Variants in MYT1L observed in about 807,000 individuals in gnomAD.
MYT1L encodes myelin transcription factor 1 like.
MYT1L carries 12 observed loss-of-function variants against 126.7 expected under a neutral mutation model. That is an observed-to-expected ratio of 0.09 (90% CI 0.06 to 0.15). MYT1L has a LOEUF of 0.15. Ranked by LOEUF, MYT1L falls within the 10% of genes least tolerant of loss-of-function variation. The pLI, the probability that MYT1L is intolerant of heterozygous loss-of-function variation, is 1.00. For synonymous variants in MYT1L, 541 were observed against 604.2 expected, an observed-to-expected ratio of 0.90 and a Z score of 1.53; for missense variants, 979 against 1,585.2, an observed-to-expected ratio of 0.62 and a Z score of 6.49.
intron 18 of MYT1L, among the ~76,000 whole-genome samples, chr2:1,866,719 CAGAGAGGGAGGG>C (rs1423303592): frequency 4.6e-4 from 12 of 25,930 alleles, no homozygotes; most frequent in Non-Finnish European, 7.3e-5. Flanking sequence ...GAGAGAGAGG[CAGAGAGGGAGGG>C]AGAGAGAGAG....
intron 3 of MYT1L, among the ~76,000 whole-genome samples, chr2:2,066,470 G>A (rs535302586): frequency 6.6e-6 from 1 of 152,270 alleles, no homozygotes; most frequent in South Asian, 2.1e-4. Context: ...CATTAAAATA[G>A]CATGGCTCAT....
chr2:1,825,861 G>A (rs957041185), intron 21 of MYT1L: 2 of 152,310 alleles, frequency 1.3e-5, no homozygotes, highest in Admixed American at 6.5e-5. Flanking sequence ...TGCCGTGCGT[G>A]GGCCTCTGTC....
At chr2:1,939,231 G>A (rs1310265082) in intron 9 of MYT1L, among the ~76,000 whole-genome samples, 6 of 152,178 alleles carry the variant, frequency 3.9e-5, no homozygotes, top group South Asian at 4.1e-4. Context: ...CTCAGGTCTC[G>A]TCTGTGCTTC....
At chr2:2,047,335 T>C (rs1297268736) in intron 4 of MYT1L, among the ~76,000 whole-genome samples, 1 of 152,226 alleles carries the variant, frequency 6.6e-6, no homozygotes, top group Non-Finnish European at 1.5e-5. Context: ...AAGATACCTA[T>C]GATATTAACG....
intron 2 of MYT1L, among the ~76,000 whole-genome samples, chr2:2,247,593 C>T (rs1424619512): frequency 6.6e-6 from 1 of 152,152 alleles, no homozygotes; most frequent in Non-Finnish European, 1.5e-5. Context: ...TTCTTCAGCA[C>T]ATGGATCATT....
chr2:2,246,082 A>G (rs894421469), intron 2 of MYT1L, among the ~76,000 whole-genome samples: 9 of 152,202 alleles, frequency 5.9e-5, no homozygotes, highest in Non-Finnish European at 1.3e-4. Context: ...ATTTGTTGCA[A>G]CTGCCAATAG....
intron 2 of MYT1L, among the ~76,000 whole-genome samples, chr2:2,184,943 C>T (rs368066824): frequency 9.2e-5 from 14 of 152,296 alleles, no homozygotes; most frequent in African/African-American, 3.1e-4. Flanking sequence ...TGCATTGCTT[C>T]GGGTAAGCTT....
At chr2:2,070,807 C>A (rs755597856) in intron 3 of MYT1L, among the ~76,000 whole-genome samples, 106 of 152,104 alleles carry the variant, frequency 7.0e-4, no homozygotes, top group Admixed American at 1.1e-3. Flanking sequence ...AATATCGGCT[C>A]CATGTACATC....
At chr2:1,996,573 T>C (rs13022323) in intron 5 of MYT1L, among the ~76,000 whole-genome samples, 889 of 51,084 alleles carry the variant, frequency 0.017, no homozygotes, top group Middle Eastern at 0.047. Flanking sequence ...GTAGACGGGC[T>C]GCCTTTACCT....
chr2:2,134,742 T>A (rs2082822944), intron 3 of MYT1L, among the ~76,000 whole-genome samples: 1 of 151,766 alleles, frequency 6.6e-6, no homozygotes, highest in Non-Finnish European at 1.5e-5. Context: ...AAATGAACGT[T>A]GTTTTTTAAG....
intron 4 of MYT1L, among the ~76,000 whole-genome samples, chr2:2,041,156 G>C (rs573028591): frequency 6.6e-6 from 1 of 152,250 alleles, no homozygotes; most frequent in South Asian, 2.1e-4. Flanking sequence ...AATTTTGCTT[G>C]AGGTAACTTG....
intron 2 of MYT1L, among the ~76,000 whole-genome samples, chr2:2,204,217 T>C (rs925930703): frequency 6.6e-6 from 1 of 152,144 alleles, no homozygotes; most frequent in African/African-American, 2.4e-5. Flanking sequence ...ACTTCATGTC[T>C]AAAACACCAA....
chr2:2,260,158 C>T (rs1039486660), intron 2 of MYT1L, among the ~76,000 whole-genome samples: 2 of 152,154 alleles, frequency 1.3e-5, no homozygotes, highest in South Asian at 2.1e-4. Flanking sequence ...ATTCACAATG[C>T]GTGATGAGAT....
chr2:2,096,536 T>C (rs757376522), intron 3 of MYT1L, among the ~76,000 whole-genome samples: 8 of 152,222 alleles, frequency 5.3e-5, no homozygotes, highest in Non-Finnish European at 1.0e-4. Context: ...AAATGCCTCA[T>C]TCTGTGCACT....
intron 22 of MYT1L, among the ~76,000 whole-genome samples, chr2:1,802,755 C>T (rs2035071967): frequency 6.6e-6 from 1 of 152,222 alleles, no homozygotes; most frequent in African/African-American, 2.4e-5. Flanking sequence ...GGAGATTCCT[C>T]TCTATTTGTG....
chr2:2,285,233 C>CTGGACTT (rs1179027691), intron 1 of MYT1L, among the ~76,000 whole-genome samples: 1 of 152,128 alleles, frequency 6.6e-6, no homozygotes, highest in Non-Finnish European at 1.5e-5. Context: ...GGGAGTGCAT[C>CTGGACTT]GTGAATTGCA....
At chr2:1,966,537 A>C (rs2059372456) in intron 8 of MYT1L, among the ~76,000 whole-genome samples, 1 of 152,164 alleles carries the variant, frequency 6.6e-6, no homozygotes, top group South Asian at 2.1e-4. Context: ...TCACCCCAGC[A>C]ATTCTCCTCC....
intron 2 of MYT1L, among the ~76,000 whole-genome samples, chr2:2,193,795 A>G (rs184883108): frequency 5.6e-4 from 85 of 152,276 alleles, no homozygotes; most frequent in African/African-American, 1.9e-3. Context: ...GCTGGGTTTT[A>G]TGAGGGACGT....
intron 21 of MYT1L, chr2:1,826,823 A>T (rs1240039917): frequency 3.1e-5 from 2 of 64,988 alleles, no homozygotes; most frequent in Non-Finnish European, 6.1e-5. Flanking sequence ...AGTTTTCCAC[A>T]GGAGTGGCGT....
Sources: gnomAD v4.1 joint callset for allele counts (sites outside exome capture counted in the v4.1 genomes callset) on GRCh38, gnomAD v4.1.1 for gene constraint, MANE v1.5 for transcripts, NCBI Gene and HGNC (gene_info 2026-07-23, HGNC 2026-07-21) for gene names.